The following RDX variants were observed in gnomAD, a reference collection of about 807,000 sequenced individuals.
RDX encodes radixin.
In RDX, 32 loss-of-function variants were observed where a neutral mutation model predicts 83.7. The ratio of observed to expected loss-of-function variants is 0.38; its 90% CI spans 0.29 to 0.51. The LOEUF is 0.51. RDX is among the 20% of genes least tolerant of loss of function. The pLI is 0.87. For missense variants in RDX, 600 were observed against 689.9 expected (o/e 0.87, Z 1.46); for synonymous variants, 229 against 222.7 (o/e 1.03, Z -0.25).
intron 5 of RDX, among the ~76,000 whole-genome samples, chr11:110,258,920 G>A (rs999130184): frequency 6.3e-5 from 8 of 127,270 alleles, no homozygotes; most frequent in African/African-American, 2.5e-4. Flanking sequence ...TGCCCAGGCT[G>A]GAGTGCAGTG....
chr11:110,263,284 G>C (rs1428451416), intron 5 of RDX: 1 of 151,214 alleles, frequency 6.6e-6, no homozygotes, highest in Admixed American at 6.6e-5. Flanking sequence ...ATCTCGGGGG[G>C]GGAAAAAGTC....
At chr11:110,281,835 G>A (rs981422616) in intron 1 of RDX, among the ~76,000 whole-genome samples, 6 of 150,238 alleles carry the variant, frequency 4.0e-5, no homozygotes, top group Non-Finnish European at 7.4e-5. Flanking sequence ...GGCCAGGCGC[G>A]ATAGCTCACG....
At chr11:110,180,565 T>C (rs377432700) in intron 15 of RDX, among the ~76,000 whole-genome samples, 1 of 152,098 alleles carries the variant, frequency 6.6e-6, no homozygotes, top group East Asian at 1.9e-4. Context: ...CGTGAAGCTG[T>C]TCCTCTAGTT....
At chr11:110,212,955 T>C (rs1863895716) in intron 14 of RDX, among the ~76,000 whole-genome samples, 1 of 133,220 alleles carries the variant, frequency 7.5e-6, no homozygotes, top group South Asian at 2.7e-4. Context: ...TCACCACTCC[T>C]ATTCAACATA....
At position 110,220,182 on chromosome 11, in the gene RDX, C is replaced by T. The variant is rs998958429; in HGVS notation, c.1748+11691G>A. ...ATAACTAGAATCCTTAAAAGGTAAA[C>T]AAAACATATTAAAAAATGGAACCCA... is the stretch of plus-strand genomic sequence containing the variant. On this transcript the variant is annotated intron_variant, in intron 14 of 15. Transcript: ENST00000528498. Among the ~76,000 whole-genome samples, 7 of 151,946 alleles carry T rather than the reference C, an allele frequency of 4.6e-5. No individual in the cohort carries two copies. In the East Asian group the frequency reaches 1.4e-3, roughly 29 times the overall value.
chr11:110,292,494 A>T (rs759139926), intron 1 of RDX, among the ~76,000 whole-genome samples: 1 of 152,124 alleles, frequency 6.6e-6, no homozygotes, highest in African/African-American at 2.4e-5. Flanking sequence ...GAAAAAAATG[A>T]CATTAAATTT....
At chr11:110,262,952 A>C (rs1286587777) in intron 5 of RDX, among the ~76,000 whole-genome samples, 1 of 152,178 alleles carries the variant, frequency 6.6e-6, no homozygotes, top group Non-Finnish European at 1.5e-5. Context: ...AGGAGTCTGA[A>C]AACCTAGTTT....
chr11:110,239,928 T>C (rs1289465014), intron 10 of RDX, among the ~76,000 whole-genome samples: 1 of 150,710 alleles, frequency 6.6e-6, no homozygotes, highest in Non-Finnish European at 1.5e-5. Context: ...GGAATGCAAA[T>C]TAGTAAGGCC....
chr11:110,296,111 G>A (rs1357471443), intron 1 of RDX, among the ~76,000 whole-genome samples: 3 of 152,216 alleles, frequency 2.0e-5, no homozygotes, highest in Non-Finnish European at 4.4e-5. Flanking sequence ...GGAGCCCACC[G>A]TCCCCAGGGC....
downstream of RDX, among the ~76,000 whole-genome samples, chr11:110,227,717 A>G (rs1864478963): frequency 6.6e-6 from 1 of 152,142 alleles, no homozygotes; most frequent in Non-Finnish European, 1.5e-5. Context: ...GTCCTTGAAT[A>G]TAGCCAGCTC....
chr11:110,218,220 A>G (rs112576027), intron 14 of RDX, among the ~76,000 whole-genome samples: 1,683 of 152,312 alleles, frequency 0.011, 29 homozygotes, highest in African/African-American at 0.037. Context: ...TTCTTGGAGC[A>G]TAAGAATTAT....
rs985223960 is a variant in RDX, at chr11:110,286,027, AAT to A, written c.-64-6273_-64-6272del. ...TATATTTCCACTCTTCCCTCATAAA[AAT>A]ATTTACTCCCTCCTCCCCACTCTTA... On this transcript the variant is annotated intron_variant, in intron 1 of 13. Transcript: ENST00000645495. Among the ~76,000 whole-genome samples, 8 of 150,494 alleles carry A rather than the reference AAT, an allele frequency of 5.3e-5. No homozygotes were observed. The East Asian group carries it at 1.6e-3, about 29-fold the overall frequency.
At chr11:110,274,773 G>A (rs1215258596) in intron 2 of RDX, among the ~76,000 whole-genome samples, 1 of 152,124 alleles carries the variant, frequency 6.6e-6, no homozygotes, top group Non-Finnish European at 1.5e-5. Flanking sequence ...AACTTTCACT[G>A]CTATGCAACA....
At chr11:110,210,606 T>A (rs1863797112) in intron 14 of RDX, among the ~76,000 whole-genome samples, 1 of 150,176 alleles carries the variant, frequency 6.7e-6, no homozygotes, top group African/African-American at 2.5e-5. Flanking sequence ...CGGGTTACCC[T>A]CAAAGGGAAG....
At chr11:110,293,693 C>T (rs1384904839) in intron 1 of RDX, among the ~76,000 whole-genome samples, 1 of 152,174 alleles carries the variant, frequency 6.6e-6, no homozygotes, top group African/African-American at 2.4e-5. Flanking sequence ...TTAAGTACCA[C>T]CTGCCAGCTC....
At chr11:110,241,270 C>T (rs1003581781) in intron 10 of RDX, among the ~76,000 whole-genome samples, 1 of 151,902 alleles carries the variant, frequency 6.6e-6, no homozygotes, top group Non-Finnish European at 1.5e-5. Flanking sequence ...GATAATCAAG[C>T]TGGCCTATCA....
At chr11:110,232,723 C>T (rs986631146) in intron 13 of RDX, among the ~76,000 whole-genome samples, 1 of 152,078 alleles carries the variant, frequency 6.6e-6, no homozygotes, top group Non-Finnish European at 1.5e-5. Context: ...CAGGTTCAAG[C>T]AATACCTCAG....
At chr11:110,196,448 A>G (rs930362556) in intron 15 of RDX, among the ~76,000 whole-genome samples, 11 of 152,254 alleles carry the variant, frequency 7.2e-5, no homozygotes, top group African/African-American at 2.7e-4. Context: ...TTTGGCCTCA[A>G]AAGGAGTCTC....
intron 10 of RDX, among the ~76,000 whole-genome samples, chr11:110,239,462 T>A (rs189429331): frequency 2.0e-5 from 3 of 152,228 alleles, no homozygotes; most frequent in Admixed American, 2.0e-4. Context: ...AACCAGAATA[T>A]ATAAAGAGCT....
Sources: allele counts gnomAD v4.1 joint callset (sites outside exome capture counted in the v4.1 genomes callset), GRCh38; gene constraint gnomAD v4.1.1; transcripts MANE v1.5; gene names NCBI Gene and HGNC (gene_info 2026-07-23, HGNC 2026-07-21).